The following PSMD11 variants were observed in gnomAD, a reference collection of about 807,000 sequenced individuals.
The protein encoded by PSMD11 is proteasome 26S subunit, non-ATPase 11.
PSMD11 carries 5 observed loss-of-function variants against 62.3 expected under a neutral mutation model. That is an observed-to-expected ratio of 0.08 (90% CI 0.04 to 0.17). The LOEUF (loss-of-function observed/expected upper bound fraction) is 0.17. Ranked by LOEUF, PSMD11 falls within the 10% of genes least tolerant of loss-of-function variation. PSMD11 has a pLI of 1.00. For missense variants in PSMD11, 310 were observed against 512.9 expected, an observed-to-expected ratio of 0.60 and a Z score of 3.82; for synonymous variants, 191 against 191.8, an observed-to-expected ratio of 1.00 and a Z score of 0.03.
intron 5 of PSMD11, among the ~76,000 whole-genome samples, chr17:32,466,547 CAT>C (rs56799897): frequency 6.4e-4 from 97 of 152,316 alleles, no homozygotes; most frequent in African/African-American, 2.2e-3. Flanking sequence ...GGATATATCA[CAT>C]GTGTTTATCC....
chr17:32,458,461 ACCT>A (rs1162798521), intron 3 of PSMD11, among the ~76,000 whole-genome samples: 1 of 151,944 alleles, frequency 6.6e-6, no homozygotes, highest in Non-Finnish European at 1.5e-5. Flanking sequence ...CTCAAGTTCT[ACCT>A]CCTCTGAACT....
At chr17:32,468,765 G>A (rs966405531) in intron 5 of PSMD11, among the ~76,000 whole-genome samples, 1 of 152,182 alleles carries the variant, frequency 6.6e-6, no homozygotes, top group Non-Finnish European at 1.5e-5. Flanking sequence ...TCATAGGACT[G>A]TTGGCTCTAA....
rs1363634158 is a variant in PSMD11, at chr17:32,444,623, C to A, written c.91+9C>A. ...CATCCTCCACTCCATCGGTAAAGGT[C>A]GCCGCGCCGCCTCCCCGGCCCCGCC... is the stretch of plus-strand genomic sequence containing the variant. On this transcript the variant is annotated intron_variant, in intron 1 of 13. Transcript: ENST00000261712. 1 of 1,610,098 alleles carries A rather than the reference C, an allele frequency of 6.2e-7. No homozygotes were observed. Among genetic ancestry groups the A allele is most frequent in the African/African-American group, 1.3e-5 (1 of 74,738 alleles).
intron 3 of PSMD11, among the ~76,000 whole-genome samples, chr17:32,460,104 C>T (rs773425458): frequency 1.3e-5 from 2 of 152,024 alleles, no homozygotes; most frequent in Non-Finnish European, 2.9e-5. Context: ...CTGTGGCCCA[C>T]GTTGGGGTGC....
intron 6 of PSMD11, among the ~76,000 whole-genome samples, chr17:32,472,545 T>TTC (rs1293902351): frequency 6.6e-6 from 1 of 151,286 alleles, no homozygotes; most frequent in Non-Finnish European, 1.5e-5. Flanking sequence ...TGACCTCTTT[T>TTC]TTTTTTTTTT....
At chr17:32,469,258 G>T (rs1567856621) in intron 6 of PSMD11, 65 bp downstream of exon 6, 1 of 1,505,802 alleles carries the variant, frequency 6.6e-7, no homozygotes. Context: ...TAGGTGGAAG[G>T]AATGGGGGTT....
At chr17:32,448,289 C>T (rs1907388733) in intron 2 of PSMD11, among the ~76,000 whole-genome samples, 1 of 151,888 alleles carries the variant, frequency 6.6e-6, no homozygotes, top group African/African-American at 2.4e-5. Flanking sequence ...GGCCTTATAT[C>T]TTACTTAAAA....
chr17:32,447,438 C>A (rs1028387384), intron 2 of PSMD11: 4 of 156,220 alleles, frequency 2.6e-5, no homozygotes, highest in African/African-American at 9.6e-5. Flanking sequence ...CCAAGTGACT[C>A]ACTGTCATTT....
At chr17:32,478,724 T>C (rs556593238) in intron 9 of PSMD11, among the ~76,000 whole-genome samples, 30 of 152,330 alleles carry the variant, frequency 2.0e-4, no homozygotes, top group East Asian at 1.9e-3. Flanking sequence ...TGTTCTTTTT[T>C]TCCCCCCCAT....
intron 9 of PSMD11, 154 bp downstream of exon 9, chr17:32,477,737 A>C: frequency 8.0e-6 from 4 of 501,474 alleles, no homozygotes; most frequent in Non-Finnish European, 1.4e-5. Flanking sequence ...ACCAGGAAAT[A>C]GTTAAGCACT....
chr17:32,470,355 C>G (rs1908130603), intron 6 of PSMD11, among the ~76,000 whole-genome samples: 1 of 151,458 alleles, frequency 6.6e-6, no homozygotes, highest in Non-Finnish European at 1.5e-5. Context: ...TTCAGCCACC[C>G]AGGCTGGAAT....
At chr17:32,469,809 A>G (rs939901927) in intron 6 of PSMD11, among the ~76,000 whole-genome samples, 8 of 151,896 alleles carry the variant, frequency 5.3e-5, no homozygotes, top group African/African-American at 1.9e-4. Context: ...GATAATGCCT[A>G]CTCGACTCAT....
intron 8 of PSMD11, 41 bp from the exon 9 acceptor site, chr17:32,477,480 G>T: frequency 6.5e-7 from 1 of 1,530,712 alleles, no homozygotes; most frequent in Non-Finnish European, 9.0e-7. Flanking sequence ...ATGTTAGTGT[G>T]CAGAATAAAT....
rs777787850 is a variant in PSMD11 at position 32,479,292 on chromosome 17, C to T, written c.954C>T (p.Ile318=). The T allele has an allele frequency of 1.1e-5, 17 of 1,614,088 alleles. No homozygotes were observed. The highest frequency in any genetic ancestry group is 1.4e-5 in the Non-Finnish European group (17 of 1,180,044). The change falls in exon 10 of 14, where the codon ATC becomes ATT. Residue 318 remains isoleucine, a synonymous_variant. Coordinates refer to ENST00000261712, the MANE Select transcript of PSMD11 (RefSeq NM_002815.4). ...GGGCAGAGCTCCGGGATGACCCAAT[C>T]ATCAGCACACACTTGGCCAAGTTGT... ...DYRAELRDDP[I]ISTHLAKLYD...
chr17:32,447,499 C>T (rs1907365005), intron 2 of PSMD11, among the ~76,000 whole-genome samples: 1 of 152,166 alleles, frequency 6.6e-6, no homozygotes, highest in Admixed American at 6.5e-5. Context: ...ATGGAGCCTT[C>T]CCAAGACTTC....
intron 10 of PSMD11, 115 bp downstream of exon 10, chr17:32,479,491 G>GGCCACCAAGA: frequency 7.1e-7 from 1 of 1,410,558 alleles, no homozygotes; most frequent in South Asian, 1.4e-5. Context: ...GTGGGCAAGA[G>GGCCACCAAGA]GCCACCAAGA....
intron 3 of PSMD11, among the ~76,000 whole-genome samples, chr17:32,456,781 T>C (rs1277656102): frequency 6.6e-6 from 1 of 152,238 alleles, no homozygotes; most frequent in African/African-American, 2.4e-5. Flanking sequence ...TCTGCCTGCC[T>C]CGGCCTCCCA....
intron 3 of PSMD11, among the ~76,000 whole-genome samples, chr17:32,461,020 C>T (rs1423928600): frequency 1.3e-5 from 2 of 152,236 alleles, no homozygotes; most frequent in East Asian, 1.9e-4. Flanking sequence ...CCAGGGATCT[C>T]TGGGGAGTAG....
At chr17:32,462,149 A>C (rs1907863730) in intron 3 of PSMD11, among the ~76,000 whole-genome samples, 1 of 152,288 alleles carries the variant, frequency 6.6e-6, no homozygotes, top group African/African-American at 2.4e-5. Context: ...TTTTTTTGGT[A>C]GATGAGTGTG....
Sources: allele counts gnomAD v4.1 joint callset (sites outside exome capture counted in the v4.1 genomes callset), GRCh38; gene constraint gnomAD v4.1.1; transcripts MANE v1.5; gene names NCBI Gene and HGNC (gene_info 2026-07-23, HGNC 2026-07-21).